The following CEP44 variants were observed in gnomAD, a reference collection of about 807,000 sequenced individuals.
CEP44 encodes the protein centrosomal protein 44, also known as centrosomal protein of 44 kDa.
In CEP44, 45 loss-of-function variants were observed where a neutral mutation model predicts 46.7. That is an observed-to-expected ratio of 0.96 (90% confidence interval 0.76 to 1.24). The LOEUF (loss-of-function observed/expected upper bound fraction) is 1.24. Among genes scored for constraint, CEP44 ranks in the 50% most tolerant of loss-of-function variants. The pLI, the probability that CEP44 is intolerant of heterozygous loss-of-function variation, is 0.00. For missense variants in CEP44, 475 were observed against 459.7 expected (o/e 1.03, Z -0.30); for synonymous variants, 142 against 146.0 (o/e 0.97, Z 0.20).
rs1352323732 is a variant in CEP44, at chr4:174,287,363, G to T, written c.-148+3420G>T. On this transcript the variant is annotated intron_variant, in intron 1 of 11. Coordinates refer to ENST00000503780, the MANE Select transcript of CEP44 (RefSeq NM_001040157.3). The surrounding 1 kb of genome is among the most constrained non-coding windows in gnomAD (Gnocchi z 5.1). Reference sequence around the variant, plus strand: ...ATTAATGAGGGGGATTAATTAGTTTGGGATCTAAGACTTATTTGAGGTGGT... The same window carrying T: ...ATTAATGAGGGGGATTAATTAGTTTTGGATCTAAGACTTATTTGAGGTGGT... 1.3e-5 allele frequency among the ~76,000 whole-genome samples: 2 copies of T among 152,076 alleles called. No homozygotes were observed. The highest frequency in any genetic ancestry group is 4.8e-5 in the African/African-American group (2 of 41,408).
In CEP44 at chr4:174,319,853, T is replaced by C; in HGVS notation, c.*2470T>C. ...GGAGTTATTGGACAGATCAGCAAAT[T>C]GTTATTTTAAAAAGTTTTCTTGTTT... On this transcript the variant is annotated 3_prime_UTR_variant, in exon 12 of 12. Coordinates refer to ENST00000503780, the MANE Select transcript of CEP44 (RefSeq NM_001040157.3). 1.0e-6 allele frequency: 1 copy of C among 985,218 alleles called. No individual in the cohort carries two copies. Among genetic ancestry groups the C allele is most frequent in the Non-Finnish European group, 1.2e-6 (1 of 829,734 alleles). 61.0% of individuals were successfully genotyped at this position (985,218 alleles called of 1,614,324 possible). A position where few individuals can be genotyped will look rare whatever the true frequency, so the allele number is the denominator to read the frequency against.
At chr4:174,302,547 G>A (rs996881060) in intron 4 of CEP44, among the ~76,000 whole-genome samples, 11 of 152,094 alleles carry the variant, frequency 7.2e-5, no homozygotes, top group African/African-American at 2.4e-4. Flanking sequence ...TTGTTTGTAA[G>A]AAGGAACTAT....
chr4:174,322,749 A>G (rs1374680332), downstream of CEP44, among the ~76,000 whole-genome samples: 2 of 152,174 alleles, frequency 1.3e-5, no homozygotes, highest in African/African-American at 4.8e-5. Context: ...CAAATTTTGT[A>G]AGCAACTGTT....
chr4:174,307,737 T>A (rs72993311), intron 6 of CEP44, among the ~76,000 whole-genome samples: 12,160 of 149,482 alleles, frequency 0.081, 598 homozygotes, highest in South Asian at 0.22. Context: ...ATATCTAGCA[T>A]CCATAAAGAA....
At chr4:174,283,777 G>T, upstream of CEP44, 1 of 397,406 alleles carries the variant, frequency 2.5e-6, no homozygotes, top group South Asian at 1.4e-4. The surrounding 1 kb of genome is among the most constrained non-coding windows in gnomAD (Gnocchi z 6.7). Context: ...GAGCCACTCT[G>T]ACCATCAAGA....
Position 174,297,161 on chromosome 4 carries a change from A to G in CEP44, c.-147-805A>G, listed in dbSNP as rs1677166052. ...ATCTTATTTTTGATCCACTTTAACA[A>G]TCTCTGGCTCATTTTACATTCTCAC... is the stretch of plus-strand genomic sequence containing the variant. On this transcript the variant is annotated intron_variant, in intron 1 of 11. Coordinates refer to ENST00000503780, the MANE Select transcript of CEP44 (RefSeq NM_001040157.3). The surrounding 1 kb of genome is among the most constrained non-coding windows in gnomAD (Gnocchi z 4.3). 6.6e-6 allele frequency among the ~76,000 whole-genome samples: 1 copy of G among 152,096 alleles called. No individual in the cohort carries two copies. The highest frequency in any genetic ancestry group is 2.1e-4 in the South Asian group (1 of 4,826).
At chr4:174,316,064 T>A (rs1741669744) in intron 9 of CEP44, 102 bp from the exon 10 acceptor site, 2 of 1,398,308 alleles carry the variant, frequency 1.4e-6, no homozygotes, top group African/African-American at 1.5e-5. Context: ...TAGCCATTTT[T>A]AATTAAAATA....
At position 174,320,169 on chromosome 4, in the gene CEP44, A is replaced by C. The variant is rs1742185066; in HGVS notation, c.*2786A>C. On this transcript the variant is annotated 3_prime_UTR_variant, in exon 12 of 12. Transcript: ENST00000503780. ...TACATAAGGTAAAATACTAGTCAGA[A>C]AGGGTTCAGAAGAAGTTAGCATCAA... The C allele has an allele frequency of 1.0e-6, 1 of 985,054 alleles. No individual in the cohort carries two copies. The highest frequency in any genetic ancestry group is 6.2e-5 in the Admixed American group (1 of 16,246). 61.0% of individuals were successfully genotyped at this position (985,054 alleles called of 1,614,324 possible). A position where few individuals can be genotyped will look rare whatever the true frequency, so the allele number is the denominator to read the frequency against.
intron 9 of CEP44, among the ~76,000 whole-genome samples, chr4:174,313,279 A>T (rs1369597644): frequency 6.6e-6 from 1 of 151,866 alleles, no homozygotes; most frequent in Non-Finnish European, 1.5e-5. Flanking sequence ...TAGAGGGTAC[A>T]GTAGTTTAGG....
At position 174,314,482 on chromosome 4, in the gene CEP44, T is replaced by TAGCCTGCC. The variant is rs1403196902; in HGVS notation, c.962-1674_962-1667dup. On this transcript the variant is annotated intron_variant, in intron 9 of 11. Transcript: ENST00000503780. This position sits in a 1 kb window ranked among gnomAD's most constrained non-coding sequence, Gnocchi z 4.1. Reference sequence around the variant, plus strand: ...AATCCTCTGTAGGAATAACTATGAATAGCCTGCCAGCCTGCCAAATACCAG... The same window carrying TAGCCTGCC: ...AATCCTCTGTAGGAATAACTATGAATAGCCTGCCAGCCTGCCAGCCTGCCAAATACCAG... 1.3e-5 allele frequency among the ~76,000 whole-genome samples: 2 copies of TAGCCTGCC among 152,198 alleles called. No individual in the cohort carries two copies. The highest frequency in any genetic ancestry group is 2.9e-5 in the Non-Finnish European group (2 of 68,026).
chr4:174,288,767 G>C lies in CEP44; in HGVS notation c.-148+4824G>C, dbSNP rs963820113. On this transcript the variant is annotated intron_variant, in intron 1 of 11. Coordinates refer to ENST00000503780, the MANE Select transcript of CEP44 (RefSeq NM_001040157.3). The surrounding 1 kb of genome is among the most constrained non-coding windows in gnomAD (Gnocchi z 4.6). Reference sequence around the variant, plus strand: ...TTTCTTACCTAGTTATTCTGGCTAGGACTTAAAATACTACGCTGAATAGGA... The same window carrying C: ...TTTCTTACCTAGTTATTCTGGCTAGCACTTAAAATACTACGCTGAATAGGA... Among the ~76,000 whole-genome samples the C allele has an allele frequency of 2.6e-5, 4 of 152,012 alleles. No homozygotes were observed. Among genetic ancestry groups the C allele is most frequent in the African/African-American group, 9.7e-5 (4 of 41,408 alleles).
rs941369575 is a variant in CEP44, at chr4:174,331,105, T to C, written c.1087-377T>C. On this transcript the variant is annotated intron_variant, in intron 8 of 8. Transcript: ENST00000426172. This position sits in a 1 kb window ranked among gnomAD's most constrained non-coding sequence, Gnocchi z 4.5. ...TTTTCTATAGGAATTGTTGTTTAAGTGTATGCTCATCACAATGGAGTATTT... is the reference window on the plus strand; with the variant it reads ...TTTTCTATAGGAATTGTTGTTTAAGCGTATGCTCATCACAATGGAGTATTT... Among the ~76,000 whole-genome samples the C allele has an allele frequency of 6.6e-6, 1 of 152,172 alleles. No individual in the cohort carries two copies. Among genetic ancestry groups the C allele is most frequent in the Non-Finnish European group, 1.5e-5 (1 of 68,032 alleles).
rs1017276191 is a variant in CEP44 at position 174,312,875 on chromosome 4, G to A, written c.961+2017G>A. 1.3e-5 allele frequency among the ~76,000 whole-genome samples: 2 copies of A among 152,166 alleles called. No homozygotes were observed. The highest frequency in any genetic ancestry group is 6.5e-5 in the Admixed American group (1 of 15,278). On this transcript the variant is annotated intron_variant, in intron 9 of 11. Transcript: ENST00000503780. This position sits in a 1 kb window ranked among gnomAD's most constrained non-coding sequence, Gnocchi z 4.5. ...TCATATTAAATCAGGAATAGTTTTT[G>A]TGAGGTTCCAGATTTGTTTTGCCTT...
At position 174,303,706 on chromosome 4, in the gene CEP44, C is replaced by A; in HGVS notation, c.241C>A (p.Leu81Ile). Residue 81 changes from leucine (L) to isoleucine (I), a missense_variant, in exon 5 of 12, where the codon CTT (leucine) becomes ATT (isoleucine). Leu to Ile is a conservative substitution (Grantham distance 5). Coordinates refer to ENST00000503780, the MANE Select transcript of CEP44 (RefSeq NM_001040157.3). ...CAAGAGTCTGTTTCCTCTGCAGCTT[C>A]TTCGTGATCAATTTAATTATAAACC... Reference protein sequence around the residue: ...LRFIDAVYKLLRDQFNYKPIL... With the variant: ...LRFIDAVYKLIRDQFNYKPIL... The A allele has an allele frequency of 6.6e-7, 1 of 1,522,290 alleles. No homozygotes were observed. Among genetic ancestry groups the A allele is most frequent in the Admixed American group, 1.8e-5 (1 of 57,012 alleles). 94.3% of individuals were successfully genotyped at this position (1,522,290 alleles called of 1,614,324 possible).
In CEP44 at chr4:174,309,982, G is replaced by A; in HGVS notation, c.811G>A (p.Val271Ile). The change falls in exon 8 of 12, where the codon GTA becomes ATA. Residue 271 changes from valine (V) to isoleucine (I), a missense_variant. By Grantham distance (29) the Val-to-Ile change is conservative (BLOSUM62 3). Transcript: ENST00000503780. This position sits in a 1 kb window ranked among gnomAD's most constrained non-coding sequence, Gnocchi z 5.3. ...LEQKMKGKVM[V>I]DENTWTNLLS... ...ACAAAAAATGAAAGGAAAAGTGATG[G>A]TAGATGAAAACACCTGGACTAATCT... 6.2e-7 allele frequency: 1 copy of A among 1,612,770 alleles called. No homozygotes were observed. Among genetic ancestry groups the A allele is most frequent in the Non-Finnish European group, 8.5e-7 (1 of 1,179,196 alleles).
rs1362626487 is a variant in CEP44 at position 174,290,353 on chromosome 4, TTTTC to T, written c.-148+6416_-148+6419del. Among the ~76,000 whole-genome samples, 25 of 151,724 alleles carry T rather than the reference TTTTC, an allele frequency of 1.6e-4. No individual in the cohort carries two copies. Among genetic ancestry groups the T allele is most frequent in the Non-Finnish European group, 3.4e-4 (23 of 67,898 alleles). The stretch of plus-strand genomic sequence containing the variant: ...TCCCCTGTATTTGTGAATTTTTCCA[TTTTC>T]TTTCTATTATTGATTTCTAGTTTCA... On this transcript the variant is annotated intron_variant, in intron 1 of 11. Coordinates refer to ENST00000503780, the MANE Select transcript of CEP44 (RefSeq NM_001040157.3). The surrounding 1 kb of genome is among the most constrained non-coding windows in gnomAD (Gnocchi z 4.3).
chr4:174,288,278 G>A lies in CEP44; in HGVS notation c.-148+4335G>A, dbSNP rs1003147707. Among the ~76,000 whole-genome samples the A allele has an allele frequency of 1.3e-5, 2 of 151,964 alleles. No homozygotes were observed. The highest frequency in any genetic ancestry group is 2.1e-4 in the South Asian group (1 of 4,830). On this transcript the variant is annotated intron_variant, in intron 1 of 11. Coordinates refer to ENST00000503780, the MANE Select transcript of CEP44 (RefSeq NM_001040157.3). The surrounding 1 kb of genome is among the most constrained non-coding windows in gnomAD (Gnocchi z 4.6). ...TTCCTTCTACTCATCTTTTTTTCAC[G>A]TTTTGTGATAAGAGCACTTAACATT... is the stretch of plus-strand genomic sequence containing the variant.
intron 6 of CEP44, among the ~76,000 whole-genome samples, chr4:174,305,764 A>G (rs1740319633): frequency 6.6e-6 from 1 of 152,162 alleles, no homozygotes; most frequent in Non-Finnish European, 1.5e-5. Context: ...TTGTACCTTC[A>G]TTTTGCTTAG....
Position 174,316,227 on chromosome 4 carries a change from A to C in CEP44, c.1023A>C (p.Ala341=), listed in dbSNP as rs775897399. 3 of 1,613,672 alleles carry C rather than the reference A, an allele frequency of 1.9e-6. No individual in the cohort carries two copies. The Admixed American group carries it at 5.0e-5, about 27-fold the overall frequency. ...SIPLSSGYST[A]SSDSTPRAST... is the part of the protein sequence containing the mutation. The stretch of plus-strand genomic sequence containing the variant: ...CTCTGTCCTCTGGCTATAGTACAGC[A>C]TCATCAGATTCAACTCCCAGAGCCT... Residue 341 remains alanine, a synonymous_variant, in exon 10 of 12, where the codon GCA becomes GCC. Coordinates refer to ENST00000503780, the MANE Select transcript of CEP44 (RefSeq NM_001040157.3).
Sources: gnomAD v4.1 joint callset for allele counts (sites outside exome capture counted in the v4.1 genomes callset) on GRCh38, gnomAD v4.1.1 for gene constraint, Gnocchi (gnomAD v3.1) non-coding constraint, MANE v1.5 for transcripts, NCBI Gene and HGNC (gene_info 2026-07-23, HGNC 2026-07-21) for gene names.